The following TRAP1 variants were observed in gnomAD, a reference collection of about 807,000 sequenced individuals.
TRAP1 encodes the protein TNF receptor associated protein 1, also known as heat shock protein 75 kDa, mitochondrial.
A neutral mutation model predicts 89.1 loss-of-function variants in TRAP1; 102 were observed. That is an observed-to-expected ratio of 1.15 (90% CI 0.98 to 1.35). TRAP1 has a LOEUF of 1.35. Among genes scored for constraint, TRAP1 ranks in the 40% most tolerant of loss-of-function variants. TRAP1 has a pLI of 0.00. For synonymous variants in TRAP1, 508 were observed against 388.0 expected (o/e 1.31, Z -3.64); for missense variants, 1,256 against 945.3 (o/e 1.33, Z -4.31).
chr16:3,672,689 G>A lies in TRAP1; in HGVS notation c.1165+11C>T, dbSNP rs2050930553. 2.5e-6 allele frequency: 4 copies of A among 1,604,284 alleles called. No individual in the cohort carries two copies. The highest frequency in any genetic ancestry group is 1.3e-5 in the African/African-American group (1 of 74,782). ...CACGGGGGCACTGCTCACGGACTCT[G>A]AGCAGCGTACCTCGGATGAAGCGCA... On this transcript the variant is annotated intron_variant, in intron 10 of 17. Coordinates refer to ENST00000246957, the MANE Select transcript of TRAP1 (RefSeq NM_016292.3).
At chr16:3,685,614 G>A (rs1167679779) in intron 4 of TRAP1, among the ~76,000 whole-genome samples, 2 of 152,162 alleles carry the variant, frequency 1.3e-5, no homozygotes, top group African/African-American at 4.8e-5. Flanking sequence ...CAAGGCTACA[G>A]CAGCAGCCAC....
intron 11 of TRAP1, among the ~76,000 whole-genome samples, chr16:3,669,938 G>A (rs540421043): frequency 4.6e-5 from 7 of 151,340 alleles, no homozygotes; most frequent in African/African-American, 7.3e-5. Context: ...GTGCAGCCCC[G>A]AGGGACGGGA....
At chr16:3,696,062 C>T (rs1181962079) in intron 1 of TRAP1, among the ~76,000 whole-genome samples, 1 of 152,182 alleles carries the variant, frequency 6.6e-6, no homozygotes, top group Non-Finnish European at 1.5e-5. Flanking sequence ...GCGCGATGAC[C>T]CCCCACTTAG....
chr16:3,709,168 G>A (rs147330149), intron 1 of TRAP1, among the ~76,000 whole-genome samples: 137 of 143,148 alleles, frequency 9.6e-4, no homozygotes, highest in African/African-American at 3.3e-3. Context: ...CAGAGGTTAC[G>A]GTGAGCCAAG....
intron 1 of TRAP1, among the ~76,000 whole-genome samples, chr16:3,713,824 A>G (rs1296201446): frequency 6.6e-6 from 1 of 152,184 alleles, no homozygotes; most frequent in Non-Finnish European, 1.5e-5. Flanking sequence ...TGACAGTTGG[A>G]GCTCTGACGA....
intron 6 of TRAP1, chr16:3,676,364 C>CGGGCGGGGGGCGGGG (rs148945963): frequency 1.6e-5 from 3 of 192,700 alleles, no homozygotes; most frequent in Non-Finnish European, 2.8e-5. Context: ...CTGGTTCCCT[C>CGGGCGGGGGGCGGGG]GGGCGGGGGG....
At chr16:3,664,095 T>C (rs948583402) in intron 13 of TRAP1, 179 bp downstream of exon 13, 2 of 626,272 alleles carry the variant, frequency 3.2e-6, no homozygotes, top group African/African-American at 1.9e-5. Flanking sequence ...AAAAACCACA[T>C]GTGACCTCCA....
In TRAP1 at chr16:3,694,502, C is replaced by T. The variant is rs113046879; in HGVS notation, c.89-3517G>A. Among the ~76,000 whole-genome samples, 1,352 of 152,130 alleles carry T rather than the reference C, an allele frequency of 8.9e-3. 23 individuals carry two copies. Among genetic ancestry groups the T allele is most frequent in the African/African-American group, 0.031 (1,279 of 41,506 alleles). ...GGGATTACAGGCACGCACCACCATG[C>T]CTGGCTTTTATTTTTAAAAGAGACA... On this transcript the variant is annotated intron_variant, in intron 1 of 17. Transcript: ENST00000246957.
chr16:3,680,902 G>T (rs2051065575), intron 4 of TRAP1, among the ~76,000 whole-genome samples: 1 of 152,152 alleles, frequency 6.6e-6, no homozygotes, highest in South Asian at 2.1e-4. Flanking sequence ...CTTGCTCTTG[G>T]ACCTCCCAGC....
Position 3,663,562 on chromosome 16 carries a change from C to T in TRAP1, c.1570G>A (p.Val524Ile). 1 of 1,613,772 alleles carries T rather than the reference C, an allele frequency of 6.2e-7. No individual in the cohort carries two copies. The highest frequency in any genetic ancestry group is 8.5e-7 in the Non-Finnish European group (1 of 1,179,916). Residue 524 changes from valine to isoleucine, a missense_variant and splice_region_variant, in exon 14 of 18, where the codon GTT (valine) becomes ATT (isoleucine). Transcript: ENST00000246957. ...YEAMKKKDTE[V>I]LFCFEQFDEL... is the part of the protein sequence containing the mutation. ...TCAAACTGCTCAAAGCAGAAGAGAACCTGCAGGTGGCCAAGAGCAGCTCCA... is the reference window on the plus strand; with the variant it reads ...TCAAACTGCTCAAAGCAGAAGAGAATCTGCAGGTGGCCAAGAGCAGCTCCA...
chr16:3,696,116 C>CTA (rs2051283843), intron 1 of TRAP1, among the ~76,000 whole-genome samples: 1 of 152,200 alleles, frequency 6.6e-6, no homozygotes, highest in African/African-American at 2.4e-5. Context: ...TTTCAGCACT[C>CTA]TAAAGTCCCA....
chr16:3,678,968 C>T lies in TRAP1; in HGVS notation c.543+751G>A, dbSNP rs150798534. ...GGATCAGTCCCCTCTCACACAGCGC[C>T]GTGATGAGAACGGGCTTGGGATGCG... On this transcript the variant is annotated intron_variant, in intron 5 of 17. Coordinates refer to ENST00000246957, the MANE Select transcript of TRAP1 (RefSeq NM_016292.3). 4.0e-3 allele frequency among the ~76,000 whole-genome samples: 602 copies of T among 152,290 alleles called. 3 individuals are homozygous for T. Among genetic ancestry groups the T allele is most frequent in the African/African-American group, 0.014 (568 of 41,546 alleles).
At chr16:3,682,340 C>T (rs2051082902) in intron 4 of TRAP1, among the ~76,000 whole-genome samples, 1 of 145,686 alleles carries the variant, frequency 6.9e-6, no homozygotes, top group South Asian at 2.2e-4. Context: ...TGCTTGAGCC[C>T]AGGAGTTTGA....
At chr16:3,674,785 C>T in intron 8 of TRAP1, 1 of 476,200 alleles carries the variant, frequency 2.1e-6, no homozygotes, top group East Asian at 3.9e-5. Flanking sequence ...CAGGGGCGAG[C>T]TGACGAATAC....
At chr16:3,669,497 C>T (rs966115803) in intron 11 of TRAP1, among the ~76,000 whole-genome samples, 12 of 152,108 alleles carry the variant, frequency 7.9e-5, no homozygotes, top group African/African-American at 2.9e-4. Context: ...CCAAGTAACC[C>T]CACCCCTAGT....
rs80320754 is a variant in TRAP1 at position 3,708,541 on chromosome 16, G to C, written c.88+8880C>G. 4.4e-3 allele frequency among the ~76,000 whole-genome samples: 671 copies of C among 152,222 alleles called. 41 individuals carry two copies. The East Asian group carries it at 0.11, about 25-fold the overall frequency. On this transcript the variant is annotated intron_variant, in intron 1 of 17. Transcript: ENST00000246957. ...AGTCCCAGCTACTAGGGAGGCTGAGGCAGGAGAAATGCTTCAACCTGGGAG... is the reference window on the plus strand; with the variant it reads ...AGTCCCAGCTACTAGGGAGGCTGAGCCAGGAGAAATGCTTCAACCTGGGAG...
intron 11 of TRAP1, among the ~76,000 whole-genome samples, chr16:3,667,540 G>A (rs745871105): frequency 1.3e-5 from 2 of 151,382 alleles, no homozygotes; most frequent in Admixed American, 6.6e-5. Context: ...CAGGAGAATC[G>A]CTTGAATCCG....
rs139636268 is a variant in TRAP1 at position 3,658,834 on chromosome 16, G to A, written c.1972C>T (p.Arg658Cys). Reference sequence around the variant, plus strand: ...TGAGCCAGGCCAGGCTCGCTTGCGCGCAGCTGATTCAGCTTCTTGATGAGC... The same window carrying A: ...TGAGCCAGGCCAGGCTCGCTTGCGCACAGCTGATTCAGCTTCTTGATGAGC... ...HALIKKLNQL[R>C]ASEPGLAQLL... Residue 658 changes from arginine (R) to cysteine (C), a missense_variant, in exon 17 of 18, where the codon CGC becomes TGC. Arg to Cys is a radical substitution (Grantham distance 180). Coordinates refer to ENST00000246957, the MANE Select transcript of TRAP1 (RefSeq NM_016292.3). 113 of 1,613,868 alleles carry A rather than the reference G, an allele frequency of 7.0e-5. 2 individuals carry two copies. The East Asian group carries it at 7.6e-4, about 11-fold the overall frequency.
intron 1 of TRAP1, among the ~76,000 whole-genome samples, chr16:3,695,839 T>C (rs922010830): frequency 2.0e-5 from 3 of 152,124 alleles, no homozygotes; most frequent in Non-Finnish European, 2.9e-5. Context: ...GAAAAGCTGA[T>C]TGTGGCTACT....
Sources: gnomAD v4.1 joint callset for allele counts (sites outside exome capture counted in the v4.1 genomes callset) on GRCh38, gnomAD v4.1.1 for gene constraint, MANE v1.5 for transcripts, NCBI Gene and HGNC (gene_info 2026-07-23, HGNC 2026-07-21) for gene names.